The following AIM2 variants were observed in gnomAD, a reference collection of about 807,000 sequenced individuals.
AIM2 encodes absent in melanoma 2.
Under a neutral mutation model 27.7 loss-of-function variants are expected in AIM2, and 30 were observed. The observed-to-expected ratio is 1.08, with a 90% CI of 0.81 to 1.47. AIM2 has a LOEUF of 1.47. AIM2 is among the 40% of genes most tolerant of loss of function. AIM2 has a pLI of 0.00. For missense variants in AIM2, 358 were observed against 411.3 expected, an observed-to-expected ratio of 0.87 and a Z score of 1.12; for synonymous variants, 141 against 145.3, an observed-to-expected ratio of 0.97 and a Z score of 0.21.
chr1:159,063,376 T>A, intron 5 of AIM2, 110 bp downstream of exon 5: 1 of 1,028,500 alleles, frequency 9.7e-7, no homozygotes, highest in African/African-American at 1.6e-5. Context: ...GTACTAAATA[T>A]CAATGTCTTC....
intron 1 of AIM2, among the ~76,000 whole-genome samples, chr1:159,130,031 TA>T (rs1647823975): frequency 6.6e-6 from 1 of 152,206 alleles, no homozygotes; most frequent in African/African-American, 2.4e-5. Flanking sequence ...ACAACCCATG[TA>T]TTACCAAATC....
intron 1 of AIM2, among the ~76,000 whole-genome samples, chr1:159,135,180 G>A (rs1647990782): frequency 6.6e-6 from 1 of 152,198 alleles, no homozygotes; most frequent in Non-Finnish European, 1.5e-5. Context: ...TTTGTTGAGT[G>A]AGTAAATGAA....
intron 1 of AIM2, among the ~76,000 whole-genome samples, chr1:159,086,297 GCTTCTGAACC>G: frequency 6.6e-6 from 1 of 152,346 alleles, no homozygotes; most frequent in Non-Finnish European, 1.5e-5. Context: ...AGCTCTTCCA[GCTTCTGAACC>G]ACCTATCTTT....
At chr1:159,143,883 A>C (rs1222387786), upstream of AIM2, among the ~76,000 whole-genome samples, 2 of 152,210 alleles carry the variant, frequency 1.3e-5, no homozygotes, top group Admixed American at 6.5e-5. Flanking sequence ...ATTCCAACGT[A>C]GGAATGACCC....
At chr1:159,067,690 G>A (rs1347320750) in intron 3 of AIM2, among the ~76,000 whole-genome samples, 8 of 152,116 alleles carry the variant, frequency 5.3e-5, no homozygotes, top group African/African-American at 1.7e-4. Context: ...TTGTTTTCCT[G>A]AAAAATCCAG....
chr1:159,060,416 T>G (rs956707147), downstream of AIM2, among the ~76,000 whole-genome samples: 5 of 152,228 alleles, frequency 3.3e-5, no homozygotes, highest in Non-Finnish European at 7.3e-5. Flanking sequence ...GTTTTCCATG[T>G]TTATCATGGC....
chr1:159,107,903 T>C (rs1657486412), intron 1 of AIM2, among the ~76,000 whole-genome samples: 1 of 152,086 alleles, frequency 6.6e-6, no homozygotes, highest in South Asian at 2.1e-4. Context: ...GAGATTGAAA[T>C]GGTAATTTAA....
intron 3 of AIM2, among the ~76,000 whole-genome samples, chr1:159,066,689 A>C (rs1000956943): frequency 1.3e-5 from 2 of 152,202 alleles, no homozygotes. Flanking sequence ...TCTTCTATCA[A>C]TTCCATTCGG....
In AIM2 at chr1:159,114,273, G is replaced by A. The variant is rs184584238; in HGVS notation, c.-16+26158C>T. On this transcript the variant is annotated intron_variant, in intron 1 of 2. Transcript: ENST00000368129. Reference sequence around the variant, plus strand: ...ATGCAAATAAGGGGAAAACACATGAGTACAAAGGGTTTCAAATGGAAGAGG... The same window carrying A: ...ATGCAAATAAGGGGAAAACACATGAATACAAAGGGTTTCAAATGGAAGAGG... Among the ~76,000 whole-genome samples the A allele has an allele frequency of 2.7e-4, 41 of 152,316 alleles. No homozygotes were observed. In the East Asian group the frequency reaches 6.4e-3, roughly 24 times the overall value.
At chr1:159,131,526 G>A (rs887559848) in intron 1 of AIM2, among the ~76,000 whole-genome samples, 6 of 152,194 alleles carry the variant, frequency 3.9e-5, no homozygotes, top group African/African-American at 1.4e-4. Context: ...TTAGTAGCGT[G>A]ATGCAAGGAT....
intron 1 of AIM2, among the ~76,000 whole-genome samples, chr1:159,102,564 C>T (rs1255523189): frequency 2.0e-5 from 3 of 152,182 alleles, no homozygotes; most frequent in South Asian, 2.1e-4. Flanking sequence ...AAGCACCCGG[C>T]GGGGGAGCTG....
intron 1 of AIM2, among the ~76,000 whole-genome samples, chr1:159,083,094 G>T (rs1229916770): frequency 6.6e-6 from 1 of 151,922 alleles, no homozygotes; most frequent in Non-Finnish European, 1.5e-5. Context: ...ACTGACTTCA[G>T]AAAAAAATAA....
chr1:159,077,470 A>G (rs1038732912), upstream of AIM2, among the ~76,000 whole-genome samples: 1 of 152,228 alleles, frequency 6.6e-6, no homozygotes, highest in Non-Finnish European at 1.5e-5. Flanking sequence ...GTCAGCAGTC[A>G]GCCAAGTTTT....
At chr1:159,106,731 A>G (rs1042637044) in intron 1 of AIM2, among the ~76,000 whole-genome samples, 1 of 152,248 alleles carries the variant, frequency 6.6e-6, no homozygotes, top group East Asian at 1.9e-4. Context: ...TATAATTTAG[A>G]AAGTGATATT....
intron 1 of AIM2, among the ~76,000 whole-genome samples, chr1:159,134,976 A>G (rs1647985802): frequency 6.6e-6 from 1 of 152,182 alleles, no homozygotes; most frequent in Admixed American, 6.5e-5. Context: ...TCAAGTCAAG[A>G]GACACTTCCT....
the AIM2 span, among the ~76,000 whole-genome samples, chr1:159,056,345 G>C: frequency 6.6e-6 from 1 of 152,124 alleles, no homozygotes; most frequent in African/African-American, 2.4e-5. Flanking sequence ...GCAGGCTGGA[G>C]TTTCTCTGGG....
intron 1 of AIM2, among the ~76,000 whole-genome samples, chr1:159,130,414 C>T (rs1647838911): frequency 6.6e-6 from 1 of 152,252 alleles, no homozygotes; most frequent in East Asian, 1.9e-4. Context: ...TATTTGACAC[C>T]TCAAATTCAA....
rs1311737743 is a variant in AIM2, at chr1:159,073,511, G to A, written c.-12C>T. The A allele has an allele frequency of 6.2e-7, 1 of 1,612,190 alleles. No individual in the cohort carries two copies. Among genetic ancestry groups the A allele is most frequent in the East Asian group, 2.2e-5 (1 of 44,850 alleles). ...TATTTACTCTCCATCTGACAACTTTGGGATCAGCCTATAAGGAATCCAAAA... is the reference window on the plus strand; with the variant it reads ...TATTTACTCTCCATCTGACAACTTTAGGATCAGCCTATAAGGAATCCAAAA... On this transcript the variant is annotated 5_prime_UTR_variant, in exon 2 of 6. Coordinates refer to ENST00000368130, the MANE Select transcript of AIM2 (RefSeq NM_004833.3).
chr1:159,106,601 C>T (rs932403900), intron 1 of AIM2, among the ~76,000 whole-genome samples: 15 of 152,206 alleles, frequency 9.9e-5, no homozygotes, highest in Non-Finnish European at 1.8e-4. Context: ...CCAGGGCATA[C>T]AGCTGCACAC....
Sources: allele counts gnomAD v4.1 joint callset (sites outside exome capture counted in the v4.1 genomes callset), GRCh38; gene constraint gnomAD v4.1.1; transcripts MANE v1.5; gene names NCBI Gene and HGNC (gene_info 2026-07-23, HGNC 2026-07-21).